The following RAPGEF1 variants were observed in gnomAD, a reference collection of about 807,000 sequenced individuals.
RAPGEF1 encodes CRK SH3-binding GNRP.
Under a neutral mutation model 143.3 loss-of-function variants are expected in RAPGEF1, and 33 were observed. The ratio of observed to expected loss-of-function variants is 0.23; its 90% CI spans 0.17 to 0.31. The LOEUF is 0.31. Among genes scored for constraint, RAPGEF1 ranks in the 10% least tolerant of loss-of-function variants. RAPGEF1 has a pLI of 1.00. For missense variants in RAPGEF1, 1,199 were observed against 1,645.4 expected, an observed-to-expected ratio of 0.73 and a Z score of 4.69; for synonymous variants, 629 against 676.5, an observed-to-expected ratio of 0.93 and a Z score of 1.09.
At chr9:131,638,545 A>C in intron 5 of RAPGEF1, 90 bp downstream of exon 5, 1 of 1,430,116 alleles carries the variant, frequency 7.0e-7, no homozygotes, top group South Asian at 1.2e-5. Flanking sequence ...CTAATGTTTG[A>C]AGGTCAGGAG....
chr9:131,672,299 C>T (rs1370880548), intron 1 of RAPGEF1, among the ~76,000 whole-genome samples: 1 of 152,244 alleles, frequency 6.6e-6, no homozygotes, highest in Non-Finnish European at 1.5e-5. Flanking sequence ...GATTTAAATT[C>T]TATTTTACTT....
intron 1 of RAPGEF1, among the ~76,000 whole-genome samples, chr9:131,692,241 T>C (rs1833832728): frequency 6.6e-6 from 1 of 152,202 alleles, no homozygotes; most frequent in South Asian, 2.1e-4. Flanking sequence ...GCAAAAAAAT[T>C]CACCTCGCTT....
chr9:131,708,523 G>A (rs1350506937), intron 1 of RAPGEF1, among the ~76,000 whole-genome samples: 4 of 152,214 alleles, frequency 2.6e-5, no homozygotes. Flanking sequence ...TAGAGAGACA[G>A]AGTAGGTGTT....
intron 1 of RAPGEF1, among the ~76,000 whole-genome samples, chr9:131,671,839 T>C (rs1831449904): frequency 6.6e-6 from 1 of 152,160 alleles, no homozygotes; most frequent in Non-Finnish European, 1.5e-5. Context: ...ATGTTGATGT[T>C]TACGATGCAC....
At chr9:131,580,598 C>T (rs986042632) in intron 25 of RAPGEF1, among the ~76,000 whole-genome samples, 4 of 152,250 alleles carry the variant, frequency 2.6e-5, no homozygotes, top group African/African-American at 4.8e-5. Flanking sequence ...CTGGGGACCT[C>T]GGAAGCCAGT....
rs1257430453 is a variant in RAPGEF1 at position 131,628,725 on chromosome 9, T to A, written c.894-53A>T. 4 of 1,537,594 alleles carry A rather than the reference T, an allele frequency of 2.6e-6. No individual in the cohort carries two copies. The highest frequency in any genetic ancestry group is 3.5e-6 in the Non-Finnish European group (4 of 1,137,192). On this transcript the variant is annotated intron_variant, in intron 7 of 26. Coordinates refer to ENST00000683357, the MANE Select transcript of RAPGEF1 (RefSeq NM_001377935.1). The surrounding 1 kb of genome is among the most constrained non-coding windows in gnomAD (Gnocchi z 5.7). ...ACCAAACCACACTCACCAAAGCTCT[T>A]CAGCGTGATATTGGGGTACAGGATG...
intron 1 of RAPGEF1, among the ~76,000 whole-genome samples, chr9:131,724,830 C>T (rs1480186780): frequency 1.3e-5 from 2 of 152,232 alleles, no homozygotes; most frequent in Non-Finnish European, 2.9e-5. Flanking sequence ...GAAAGACGGC[C>T]TCATCCTCCC....
At chr9:131,614,176 T>G (rs1958515539) in intron 12 of RAPGEF1, among the ~76,000 whole-genome samples, 1 of 150,896 alleles carries the variant, frequency 6.6e-6, no homozygotes, top group Admixed American at 6.6e-5. Context: ...GAGAAACCCC[T>G]CTCCCACCCC....
chr9:131,683,113 C>A (rs1233521000), intron 1 of RAPGEF1, among the ~76,000 whole-genome samples: 2 of 152,128 alleles, frequency 1.3e-5, no homozygotes, highest in Admixed American at 6.5e-5. Context: ...TGAATTGGGG[C>A]ATGTCCCTGG....
At position 131,584,608 on chromosome 9, in the gene RAPGEF1, A is replaced by G. The variant is rs1269076354; in HGVS notation, c.3234-12T>C. The G allele has an allele frequency of 1.2e-6, 2 of 1,613,526 alleles. No homozygotes were observed. Among genetic ancestry groups the G allele is most frequent in the African/African-American group, 2.7e-5 (2 of 74,892 alleles). On this transcript the variant is annotated splice_polypyrimidine_tract_variant and intron_variant, in intron 22 of 26. Transcript: ENST00000683357. This position sits in a 1 kb window ranked among gnomAD's most constrained non-coding sequence, Gnocchi z 6.8. The stretch of plus-strand genomic sequence containing the variant: ...TTATGGACCGGACCCTGCATGGACC[A>G]AGGGAAAAAGAAACAGCTGAGTTGA...
intron 1 of RAPGEF1, among the ~76,000 whole-genome samples, chr9:131,671,842 C>T (rs188303722): frequency 1.3e-5 from 2 of 152,296 alleles, no homozygotes; most frequent in Admixed American, 6.5e-5. Flanking sequence ...TTGATGTTTA[C>T]GATGCACAAC....
At chr9:131,595,959 C>A (rs1160300481) in intron 17 of RAPGEF1, among the ~76,000 whole-genome samples, 1 of 152,204 alleles carries the variant, frequency 6.6e-6, no homozygotes, top group Non-Finnish European at 1.5e-5. Context: ...CAAAAGGTAC[C>A]TGCATGTTAT....
chr9:131,698,228 A>G (rs1397728163), intron 1 of RAPGEF1, among the ~76,000 whole-genome samples: 1 of 152,162 alleles, frequency 6.6e-6, no homozygotes, highest in South Asian at 2.1e-4. Flanking sequence ...CAAAAATATT[A>G]TTCCCATGCC....
intron 3 of RAPGEF1, among the ~76,000 whole-genome samples, chr9:131,646,228 G>C (rs1022716003): frequency 6.6e-6 from 1 of 152,174 alleles, no homozygotes; most frequent in Non-Finnish European, 1.5e-5. Context: ...AGTGGGACGT[G>C]GGGGAGGTTA....
At chr9:131,597,680 G>A (rs952798830) in intron 16 of RAPGEF1, among the ~76,000 whole-genome samples, 6 of 152,180 alleles carry the variant, frequency 3.9e-5, no homozygotes, top group Non-Finnish European at 7.4e-5. Flanking sequence ...TGCAGGCAAG[G>A]CACAGGACCA....
chr9:131,701,999 G>A (rs912928676), intron 1 of RAPGEF1, among the ~76,000 whole-genome samples: 9 of 151,946 alleles, frequency 5.9e-5, no homozygotes, highest in African/African-American at 1.9e-4. Flanking sequence ...GGCCTTGTCC[G>A]TTCTATTCAC....
At chr9:131,632,633 C>T (rs1224895198) in intron 5 of RAPGEF1, among the ~76,000 whole-genome samples, 2 of 152,152 alleles carry the variant, frequency 1.3e-5, no homozygotes, top group South Asian at 2.1e-4. Context: ...AGACAATGGG[C>T]TGACCATTAC....
chr9:131,642,536 T>C (rs1968307486), intron 4 of RAPGEF1, among the ~76,000 whole-genome samples: 1 of 152,220 alleles, frequency 6.6e-6, no homozygotes, highest in African/African-American at 2.4e-5. Context: ...CTGCGCCTCC[T>C]GAACACGTGC....
intron 10 of RAPGEF1, 36 bp from the exon 11 acceptor site, chr9:131,622,034 G>A (rs1487411011): frequency 1.4e-5 from 22 of 1,582,984 alleles, no homozygotes; most frequent in Non-Finnish European, 1.7e-5. Flanking sequence ...GCGAGGCCGG[G>A]GGAGGCCACA....
Sources: allele counts gnomAD v4.1 joint callset (sites outside exome capture counted in the v4.1 genomes callset), GRCh38; gene constraint gnomAD v4.1.1; non-coding constraint Gnocchi (gnomAD v3.1); transcripts MANE v1.5; gene names NCBI Gene and HGNC (gene_info 2026-07-23, HGNC 2026-07-21).